Variants in SNX24 observed in about 807,000 individuals in gnomAD.
SNX24 encodes sorting nexin-24.
In SNX24, 22 loss-of-function variants were observed where a neutral mutation model predicts 28.7. That is an observed-to-expected ratio of 0.77 (90% confidence interval 0.55 to 1.10). The LOEUF (loss-of-function observed/expected upper bound fraction) is 1.10, where lower values mean the gene tolerates loss of function less well. Ranked by LOEUF, SNX24 falls within the 50% of genes least tolerant of loss-of-function variation. The pLI, the probability that SNX24 is intolerant of heterozygous loss-of-function variation, is 0.00. For synonymous variants in SNX24, 69 were observed against 71.5 expected (o/e 0.96, Z 0.18); for missense variants, 221 against 201.1 (o/e 1.10, Z -0.60).
In SNX24 at chr5:122,999,932, A is replaced by G. The variant is rs1268693873; in HGVS notation, c.270A>G (p.Glu90=). The change falls in exon 4 of 7, where the codon GAA becomes GAG. Residue 90 remains glutamate, a synonymous_variant. Coordinates refer to ENST00000261369, the MANE Select transcript of SNX24 (RefSeq NM_014035.4). ...TYLQAVILEN[E]ELPKLFLDFL... ...CACAGGCTGTCATTTTAGAAAATGA[A>G]GAACTTCCCAAACTGTTTCTTGATT... 4 of 1,612,440 alleles carry G rather than the reference A, an allele frequency of 2.5e-6. No homozygotes were observed. Among genetic ancestry groups the G allele is most frequent in the Non-Finnish European group, 3.4e-6 (4 of 1,178,448 alleles).
At chr5:122,936,685 A>G (rs1314550835) in intron 1 of SNX24, 49 bp from the exon 2 acceptor site, 10 of 1,077,220 alleles carry the variant, frequency 9.3e-6, no homozygotes, top group South Asian at 1.4e-5. Context: ...ACATCAGACA[A>G]TTGAGGGTTT....
chr5:122,904,054 G>T (rs1448472903), intron 1 of SNX24, among the ~76,000 whole-genome samples: 1 of 151,954 alleles, frequency 6.6e-6, no homozygotes, highest in Non-Finnish European at 1.5e-5. Context: ...TTTTTTTTCA[G>T]CTCTTATAAA....
intron 1 of SNX24, among the ~76,000 whole-genome samples, chr5:122,864,660 G>A (rs1419656650): frequency 6.6e-6 from 1 of 152,204 alleles, no homozygotes; most frequent in Non-Finnish European, 1.5e-5. Context: ...CAGTTCCTGG[G>A]TGGGGGCCAC....
chr5:122,931,823 C>A (rs546226708), intron 1 of SNX24, among the ~76,000 whole-genome samples: 1 of 151,304 alleles, frequency 6.6e-6, no homozygotes, highest in East Asian at 1.9e-4. Context: ...ATAGAGAATT[C>A]TTTTCTTTTT....
chr5:122,899,004 T>A (rs1200344630), intron 1 of SNX24, among the ~76,000 whole-genome samples: 1 of 152,204 alleles, frequency 6.6e-6, no homozygotes, highest in Non-Finnish European at 1.5e-5. Context: ...GCATTATTGG[T>A]GGTGGGCTGT....
At position 122,907,002 on chromosome 5, in the gene SNX24, T is replaced by G. The variant is rs540601992; in HGVS notation, c.61-29732T>G. On this transcript the variant is annotated intron_variant, in intron 1 of 6. Coordinates refer to ENST00000261369, the MANE Select transcript of SNX24 (RefSeq NM_014035.4). The stretch of plus-strand genomic sequence containing the variant: ...CCAGTGCCACAGGAGATGATTTAAG[T>G]GGTGCCTAGACATTGAATAACATTG... Among the ~76,000 whole-genome samples, 5 of 152,312 alleles carry G rather than the reference T, an allele frequency of 3.3e-5. No individual in the cohort carries two copies. In the East Asian group the frequency reaches 9.7e-4, roughly 29 times the overall value.
chr5:123,004,783 G>C (rs1019635960), intron 6 of SNX24, among the ~76,000 whole-genome samples: 2 of 152,114 alleles, frequency 1.3e-5, no homozygotes, highest in African/African-American at 4.8e-5. Flanking sequence ...TCCATCCATA[G>C]CCGGCTGCCT....
At chr5:122,943,464 C>G (rs1423772218) in intron 2 of SNX24, among the ~76,000 whole-genome samples, 1 of 152,176 alleles carries the variant, frequency 6.6e-6, no homozygotes, top group Non-Finnish European at 1.5e-5. Context: ...CTGATGGAAG[C>G]TACTCCCCCT....
In SNX24 at chr5:122,845,689, A is replaced by G. The variant is rs1457696081; in HGVS notation, c.56A>G (p.Tyr19Cys). 7.1e-7 allele frequency: 1 copy of G among 1,412,996 alleles called. No individual in the cohort carries two copies. The highest frequency in any genetic ancestry group is 2.5e-5 in the Admixed American group (1 of 39,852). The allele number at this position is 1,412,996 out of a possible 1,614,324, so 87.5% of individuals were successfully genotyped here. ...GAAGAGAGCGACCTGGAGCGGGGAT[A>G]CACGGTAGGCGCGGGCCGCGGGCGG... ...RYEESDLERGYTVFKIEVLMN... is the reference protein window; with the variant it reads ...RYEESDLERGCTVFKIEVLMN... The change falls in exon 1 of 7, where the codon TAC becomes TGC. Residue 19 changes from tyrosine to cysteine, a missense_variant. Coordinates refer to ENST00000261369, the MANE Select transcript of SNX24 (RefSeq NM_014035.4).
rs1007411083 is a variant in SNX24 at position 122,924,584 on chromosome 5, A to G, written c.61-12150A>G. On this transcript the variant is annotated intron_variant, in intron 1 of 6. Coordinates refer to ENST00000261369, the MANE Select transcript of SNX24 (RefSeq NM_014035.4). ...TTTTCATTTCATATTTTCAGACCAT[A>G]CTTGACCATGAATAACTGAGATCAC... Among the ~76,000 whole-genome samples the G allele has an allele frequency of 4.6e-5, 7 of 152,290 alleles. No individual in the cohort carries two copies. In the East Asian group the frequency reaches 1.2e-3, roughly 25 times the overall value.
At chr5:122,915,638 A>T (rs76756166) in intron 1 of SNX24, among the ~76,000 whole-genome samples, 11 of 151,712 alleles carry the variant, frequency 7.3e-5, no homozygotes, top group East Asian at 5.8e-4. Context: ...TAAAAAAAAA[A>T]TTTTTTTTTC....
intron 3 of SNX24, among the ~76,000 whole-genome samples, chr5:122,969,566 G>A (rs1027889562): frequency 1.3e-5 from 2 of 152,090 alleles, no homozygotes; most frequent in African/African-American, 2.4e-5. Flanking sequence ...AACATCTCTT[G>A]TTCCAGAGTG....
At chr5:122,918,231 C>T (rs1758269244) in intron 1 of SNX24, among the ~76,000 whole-genome samples, 2 of 152,010 alleles carry the variant, frequency 1.3e-5, no homozygotes, top group Non-Finnish European at 2.9e-5. Flanking sequence ...CTTCAGCATA[C>T]GAATTGGGAG....
chr5:122,974,349 GT>G (rs1761078791), intron 3 of SNX24, among the ~76,000 whole-genome samples: 1 of 152,222 alleles, frequency 6.6e-6, no homozygotes, highest in Admixed American at 6.5e-5. Context: ...TTATGGACCA[GT>G]GTGATACCTT....
intron 3 of SNX24, among the ~76,000 whole-genome samples, chr5:122,993,323 G>C (rs112659768): frequency 0.051 from 6,871 of 134,722 alleles, 584 homozygotes; most frequent in African/African-American, 0.18. Context: ...TTTTGAGACA[G>C]AGTCTTGCTC....
At chr5:122,850,090 C>T (rs1754825159) in intron 1 of SNX24, among the ~76,000 whole-genome samples, 2 of 152,194 alleles carry the variant, frequency 1.3e-5, no homozygotes, top group Non-Finnish European at 1.5e-5. Flanking sequence ...AAGGAAGTAA[C>T]ATGATTAGCT....
chr5:123,024,027 T>G, intron 5 of SNX24: 1 of 1,609,176 alleles, frequency 6.2e-7, no homozygotes, highest in Non-Finnish European at 8.5e-7. Flanking sequence ...AGTAGACACA[T>G]GGTTTAATTC....
At chr5:122,903,211 G>A (rs1204901291) in intron 1 of SNX24, among the ~76,000 whole-genome samples, 1 of 152,018 alleles carries the variant, frequency 6.6e-6, no homozygotes, top group East Asian at 1.9e-4. Flanking sequence ...AGGCTCAGAG[G>A]ATCCTCCCAC....
intron 1 of SNX24, among the ~76,000 whole-genome samples, chr5:122,932,309 C>T (rs6595416): frequency 0.36 from 54,957 of 151,914 alleles, 10,692 homozygotes; most frequent in African/African-American, 0.48. Flanking sequence ...CTGGAAAACT[C>T]TGAGGAAAGA....
Sources: gnomAD v4.1 joint callset for allele counts (sites outside exome capture counted in the v4.1 genomes callset) on GRCh38, gnomAD v4.1.1 for gene constraint, MANE v1.5 for transcripts, NCBI Gene and HGNC (gene_info 2026-07-23, HGNC 2026-07-21) for gene names.